MYO5B: variants seen among roughly 807,000 people sequenced by gnomAD.
MYO5B encodes unconventional myosin-Vb.
In MYO5B, 143 loss-of-function variants were observed where a neutral mutation model predicts 229.3. That is an observed-to-expected ratio of 0.62 (90% CI 0.54 to 0.72). The LOEUF is 0.72. Among genes scored for constraint, MYO5B ranks in the 30% least tolerant of loss-of-function variants. MYO5B has a pLI of 0.00. For synonymous variants in MYO5B, 918 were observed against 885.2 expected, an observed-to-expected ratio of 1.04 and a Z score of -0.66; for missense variants, 2,321 against 2,331.0, an observed-to-expected ratio of 1.00 and a Z score of 0.09.
chr18:50,093,725 T>A (rs2031495413), intron 1 of MYO5B, among the ~76,000 whole-genome samples: 1 of 151,772 alleles, frequency 6.6e-6, no homozygotes, highest in South Asian at 2.1e-4. Context: ...CCTCTGGTCG[T>A]CCTCAGCGCT....
chr18:49,970,297 G>A (rs567632332), intron 10 of MYO5B, among the ~76,000 whole-genome samples: 48 of 152,304 alleles, frequency 3.2e-4, no homozygotes, highest in African/African-American at 1.1e-3. Context: ...ATTGTTCTGA[G>A]TACTGCTTGC....
intron 27 of MYO5B, among the ~76,000 whole-genome samples, chr18:49,864,882 C>T (rs755005177): frequency 2.0e-5 from 3 of 152,180 alleles, no homozygotes; most frequent in Admixed American, 6.5e-5. Flanking sequence ...TTGGAAGATA[C>T]ACCAGGGACA....
At chr18:49,910,334 G>C (rs146589564) in intron 18 of MYO5B, among the ~76,000 whole-genome samples, 1 of 152,204 alleles carries the variant, frequency 6.6e-6, no homozygotes, top group Non-Finnish European at 1.5e-5. Flanking sequence ...TCCAGCGAAG[G>C]AACAGAAGAG....
At chr18:49,990,120 C>T (rs777065196) in intron 7 of MYO5B, among the ~76,000 whole-genome samples, 2 of 152,170 alleles carry the variant, frequency 1.3e-5, no homozygotes, top group Non-Finnish European at 2.9e-5. Context: ...AGGTTTGGGA[C>T]ACATTTCCTA....
At chr18:50,022,468 C>T (rs2026286604) in intron 4 of MYO5B, among the ~76,000 whole-genome samples, 1 of 152,158 alleles carries the variant, frequency 6.6e-6, no homozygotes, top group Admixed American at 6.5e-5. Flanking sequence ...CCTTCCTCAA[C>T]TCAAGGCATT....
rs926376977 is a variant in MYO5B, at chr18:50,126,075, C to A, written c.27+68692G>T. On this transcript the variant is annotated intron_variant, in intron 1 of 39. Coordinates refer to ENST00000285039, the MANE Select transcript of MYO5B (RefSeq NM_001080467.3). ...AGTTCTTGGATGGTGGTCGTGATTG[C>A]ACACAATGTGAACGTACTTAATGCC... Among the ~76,000 whole-genome samples, 4 of 152,270 alleles carry A rather than the reference C, an allele frequency of 2.6e-5. No individual in the cohort carries two copies. In the East Asian group the frequency reaches 7.7e-4, roughly 29 times the overall value.
At chr18:49,971,211 A>G (rs2025687927) in intron 10 of MYO5B, among the ~76,000 whole-genome samples, 1 of 152,232 alleles carries the variant, frequency 6.6e-6, no homozygotes, top group African/African-American at 2.4e-5. Context: ...AATAGAATAA[A>G]GCCTAATGAC....
intron 14 of MYO5B, among the ~76,000 whole-genome samples, chr18:49,949,861 A>G (rs1423274898): frequency 1.3e-5 from 2 of 152,166 alleles, no homozygotes; most frequent in Admixed American, 6.5e-5. Flanking sequence ...TATGCCTCAT[A>G]GGGCTACTAT....
intron 1 of MYO5B, among the ~76,000 whole-genome samples, chr18:50,109,558 T>C (rs1467034314): frequency 1.3e-5 from 2 of 152,048 alleles, no homozygotes; most frequent in Non-Finnish European, 2.9e-5. Flanking sequence ...CCCAAGTAGC[T>C]GGGACTACAG....
At chr18:50,064,185 G>A (rs76362228) in intron 1 of MYO5B, 6 of 152,992 alleles carry the variant, frequency 3.9e-5, no homozygotes, top group Middle Eastern at 2.2e-3. Context: ...GTAAATCCCC[G>A]AGTCTGAATT....
chr18:50,087,533 A>G (rs1343404097), intron 1 of MYO5B, among the ~76,000 whole-genome samples: 1 of 149,948 alleles, frequency 6.7e-6, no homozygotes, highest in Non-Finnish European at 1.5e-5. Context: ...AGATCGTGCC[A>G]CTGCACTCTA....
rs139410611 is a variant in MYO5B, at chr18:50,097,767, C to T, written c.28-42389G>A. 28 of 153,264 alleles carry T rather than the reference C, an allele frequency of 1.8e-4. 1 individual carries two copies. The East Asian group carries it at 4.0e-3, about 22-fold the overall frequency. The allele number at this position is 153,264 out of a possible 1,614,324, so 9.5% of individuals were successfully genotyped here. A position where few individuals can be genotyped will look rare whatever the true frequency, so the allele number is the denominator to read the frequency against. ...CAAGTCCCAAGCCTCTCGGGGCCTA[C>T]AGGCAAACCCTGACTGCCCATGAAG... On this transcript the variant is annotated intron_variant, in intron 1 of 39. Transcript: ENST00000285039.
At chr18:50,007,458 A>G (rs112183012) in intron 4 of MYO5B, among the ~76,000 whole-genome samples, 4 of 152,294 alleles carry the variant, frequency 2.6e-5, no homozygotes, top group African/African-American at 9.6e-5. Context: ...CCTTCTCATG[A>G]AACTTTCTGA....
intron 17 of MYO5B, among the ~76,000 whole-genome samples, chr18:49,918,079 C>T (rs1598881863): frequency 1.3e-5 from 2 of 152,318 alleles, no homozygotes; most frequent in African/African-American, 2.4e-5. Context: ...AGTGGTAACA[C>T]GGCTGCTAAG....
At chr18:49,919,778 A>T (rs1250556006) in intron 17 of MYO5B, among the ~76,000 whole-genome samples, 2 of 152,204 alleles carry the variant, frequency 1.3e-5, no homozygotes, top group Non-Finnish European at 2.9e-5. Flanking sequence ...TCCTCAGAAG[A>T]GGAGAGTGTT....
intron 22 of MYO5B, among the ~76,000 whole-genome samples, chr18:49,892,394 C>T (rs950887237): frequency 1.3e-5 from 2 of 152,202 alleles, no homozygotes; most frequent in Non-Finnish European, 2.9e-5. Context: ...AGGGCAGCCA[C>T]GTGGCCCACC....
chr18:49,962,422 A>G lies in MYO5B; in HGVS notation c.1405-16T>C, dbSNP rs1294404162. On this transcript the variant is annotated splice_polypyrimidine_tract_variant and intron_variant, in intron 11 of 39. Transcript: ENST00000285039. The stretch of plus-strand genomic sequence containing the variant: ...TGAAAACATGCTAGGGCAAGTAAAA[A>G]GGTCACACGAGTGAACTGCAGGCAC... 2 of 1,614,104 alleles carry G rather than the reference A, an allele frequency of 1.2e-6. No homozygotes were observed. Among genetic ancestry groups the G allele is most frequent in the Admixed American group, 3.3e-5 (2 of 60,022 alleles).
chr18:50,186,426 G>C (rs1168448407), intron 1 of MYO5B, among the ~76,000 whole-genome samples: 1 of 152,208 alleles, frequency 6.6e-6, no homozygotes, highest in African/African-American at 2.4e-5. Flanking sequence ...TATAATAAGA[G>C]ACCAGAAAGC....
At chr18:49,986,572 GC>G (rs1568059739) in intron 7 of MYO5B, among the ~76,000 whole-genome samples, 1 of 152,220 alleles carries the variant, frequency 6.6e-6, no homozygotes, top group Non-Finnish European at 1.5e-5. Flanking sequence ...GTCACTCACA[GC>G]CTTGGCAGAA....
Sources: allele counts gnomAD v4.1 joint callset (sites outside exome capture counted in the v4.1 genomes callset), GRCh38; gene constraint gnomAD v4.1.1; transcripts MANE v1.5; gene names NCBI Gene and HGNC (gene_info 2026-07-23, HGNC 2026-07-21).